Variants in GRIA4 observed in about 807,000 individuals in gnomAD.
The protein encoded by GRIA4 is glutamate receptor 4.
In GRIA4, 34 loss-of-function variants were observed where a neutral mutation model predicts 104.0. The observed-to-expected ratio is 0.33, with a 90% CI of 0.25 to 0.44. The LOEUF is 0.44. Ranked by LOEUF, GRIA4 falls within the 20% of genes least tolerant of loss-of-function variation. GRIA4 has a pLI of 1.00. For synonymous variants in GRIA4, 386 were observed against 381.9 expected (o/e 1.01, Z -0.13); for missense variants, 750 against 1,096.5 (o/e 0.68, Z 4.46).
chr11:105,944,294 T>C (rs1427306667), intron 14 of GRIA4, among the ~76,000 whole-genome samples: 1 of 152,198 alleles, frequency 6.6e-6, no homozygotes, highest in Non-Finnish European at 1.5e-5. Flanking sequence ...TCACCTGATG[T>C]CATTTTACTT....
intron 3 of GRIA4, among the ~76,000 whole-genome samples, chr11:105,695,960 C>T (rs772855163): frequency 6.6e-6 from 1 of 152,166 alleles, no homozygotes; most frequent in Non-Finnish European, 1.5e-5. Context: ...GGTCCTCATC[C>T]TCTCTGAAAA....
At chr11:105,806,801 A>G (rs1360766827) in intron 4 of GRIA4, among the ~76,000 whole-genome samples, 1 of 151,856 alleles carries the variant, frequency 6.6e-6, no homozygotes, top group Non-Finnish European at 1.5e-5. Context: ...CTACATATGC[A>G]TGAAACAAGA....
At chr11:105,685,165 G>A (rs1476002043) in intron 3 of GRIA4, among the ~76,000 whole-genome samples, 1 of 145,554 alleles carries the variant, frequency 6.9e-6, no homozygotes, top group Non-Finnish European at 1.5e-5. Context: ...GAGGAAGGAA[G>A]GGAGGGAGGG....
intron 11 of GRIA4, among the ~76,000 whole-genome samples, chr11:105,922,466 C>A (rs1365221869): frequency 6.6e-6 from 1 of 152,056 alleles, no homozygotes; most frequent in Non-Finnish European, 1.5e-5. Context: ...ATAATTAAAG[C>A]ATGTGTTAGG....
intron 4 of GRIA4, among the ~76,000 whole-genome samples, chr11:105,811,920 T>C (rs1943186850): frequency 6.6e-6 from 1 of 152,140 alleles, no homozygotes; most frequent in South Asian, 2.1e-4. Flanking sequence ...GTGGTACCCA[T>C]TTGATCTGTT....
intron 6 of GRIA4, among the ~76,000 whole-genome samples, chr11:105,891,251 A>C (rs1946444804): frequency 6.6e-6 from 1 of 152,058 alleles, no homozygotes. Flanking sequence ...TCATGACCTG[A>C]TTCCCCATGG....
chr11:105,876,533 T>C (rs1260404949), intron 5 of GRIA4, among the ~76,000 whole-genome samples: 1 of 152,196 alleles, frequency 6.6e-6, no homozygotes, highest in African/African-American at 2.4e-5. Flanking sequence ...TTCCCACTAT[T>C]ATTGTGTGGG....
chr11:105,973,552 A>G (rs894397502), intron 15 of GRIA4, among the ~76,000 whole-genome samples: 11 of 152,044 alleles, frequency 7.2e-5, no homozygotes, highest in African/African-American at 2.7e-4. Context: ...TTTAATTAAT[A>G]AAAATAATTA....
intron 4 of GRIA4, among the ~76,000 whole-genome samples, chr11:105,855,933 T>A (rs72991090): frequency 0.026 from 3,989 of 152,036 alleles, 72 homozygotes; most frequent in South Asian, 0.047. Context: ...AATGGAAAAA[T>A]ATGTGCTTCT....
chr11:105,658,164 T>G (rs1218032144), intron 3 of GRIA4, among the ~76,000 whole-genome samples: 1 of 151,812 alleles, frequency 6.6e-6, no homozygotes, highest in Non-Finnish European at 1.5e-5. Context: ...TGGTCTTTCC[T>G]CATTCCAATT....
At chr11:105,872,537 T>C (rs1945655533) in intron 5 of GRIA4, among the ~76,000 whole-genome samples, 1 of 152,130 alleles carries the variant, frequency 6.6e-6, no homozygotes, top group Admixed American at 6.6e-5. Flanking sequence ...CTTCAACATA[T>C]TTGACGTTAA....
intron 3 of GRIA4, among the ~76,000 whole-genome samples, chr11:105,620,472 A>C (rs1359406431): frequency 6.6e-6 from 1 of 151,868 alleles, no homozygotes; most frequent in African/African-American, 2.4e-5. Flanking sequence ...ATACCACAGC[A>C]TCTTGATCAA....
chr11:105,949,703 G>A (rs1365214855), intron 14 of GRIA4, among the ~76,000 whole-genome samples: 1 of 152,176 alleles, frequency 6.6e-6, no homozygotes, highest in Non-Finnish European at 1.5e-5. Context: ...ACTGGAAAAT[G>A]TTAAGAAATT....
intron 3 of GRIA4, among the ~76,000 whole-genome samples, chr11:105,725,550 G>A (rs1938964): frequency 0.47 from 70,957 of 151,858 alleles, 17,402 homozygotes; most frequent in Admixed American, 0.58. Context: ...TTTGCAGGGG[G>A]GAAACTAATA....
At chr11:105,915,359 CAAT>C (rs1344286990) in intron 10 of GRIA4, among the ~76,000 whole-genome samples, 1 of 152,056 alleles carries the variant, frequency 6.6e-6, no homozygotes, top group Non-Finnish European at 1.5e-5. Flanking sequence ...AGCAGGAAAA[CAAT>C]GACCTGATGG....
chr11:105,686,905 A>G (rs1057181358), intron 3 of GRIA4, among the ~76,000 whole-genome samples: 3 of 152,174 alleles, frequency 2.0e-5, no homozygotes, highest in Admixed American at 6.5e-5. Flanking sequence ...TATTTTGCCA[A>G]TGTTTTAATG....
At chr11:105,872,587 A>G (rs1945657472) in intron 5 of GRIA4, among the ~76,000 whole-genome samples, 2 of 152,106 alleles carry the variant, frequency 1.3e-5, no homozygotes, top group Non-Finnish European at 1.5e-5. Context: ...TATCCCTTTG[A>G]AACATTCATA....
chr11:105,638,264 G>A (rs1951262722), intron 3 of GRIA4, among the ~76,000 whole-genome samples: 1 of 152,100 alleles, frequency 6.6e-6, no homozygotes, highest in African/African-American at 2.4e-5. Context: ...CATGCTGATA[G>A]GAACAGTGAA....
At chr11:105,859,542 G>A (rs761950709) in intron 4 of GRIA4, among the ~76,000 whole-genome samples, 2 of 152,158 alleles carry the variant, frequency 1.3e-5, no homozygotes, top group Non-Finnish European at 2.9e-5. Flanking sequence ...GAAGGTGTGT[G>A]GCTCCACATT....
Sources: allele counts gnomAD v4.1 joint callset (sites outside exome capture counted in the v4.1 genomes callset), GRCh38; gene constraint gnomAD v4.1.1; transcripts MANE v1.5; gene names NCBI Gene and HGNC (gene_info 2026-07-23, HGNC 2026-07-21).